The following IQCM variants were observed in gnomAD, a reference collection of about 807,000 sequenced individuals.
The protein encoded by IQCM is IQ domain-containing protein M.
A neutral mutation model predicts 57.6 loss-of-function variants in IQCM; 45 were observed. That is an observed-to-expected ratio of 0.78 (90% CI 0.62 to 1.00). The LOEUF (loss-of-function observed/expected upper bound fraction) is 1.00. Ranked by LOEUF, IQCM falls within the 50% of genes least tolerant of loss-of-function variation. The pLI is 0.00. For missense variants in IQCM, 468 were observed against 511.6 expected, an observed-to-expected ratio of 0.91 and a Z score of 0.82; for synonymous variants, 148 against 158.9, an observed-to-expected ratio of 0.93 and a Z score of 0.51.
At chr4:149,410,460 AT>A (rs1199735317) in intron 13 of IQCM, among the ~76,000 whole-genome samples, 1 of 149,480 alleles carries the variant, frequency 6.7e-6, no homozygotes. Flanking sequence ...ATTTTTATAT[AT>A]TTTTTCATAT....
intron 12 of IQCM, among the ~76,000 whole-genome samples, chr4:149,484,871 G>T (rs1459659597): frequency 1.3e-5 from 2 of 151,948 alleles, no homozygotes; most frequent in African/African-American, 4.8e-5. Context: ...TTCCTGTAGG[G>T]TACATTTGGT....
At chr4:149,545,031 AAAAC>A (rs762749158) in intron 12 of IQCM, among the ~76,000 whole-genome samples, 8 of 151,892 alleles carry the variant, frequency 5.3e-5, no homozygotes, top group Admixed American at 2.6e-4. Flanking sequence ...GACAGAAGCA[AAAAC>A]AAACAAACAA....
intron 12 of IQCM, among the ~76,000 whole-genome samples, chr4:149,532,452 T>C (rs539640685): frequency 2.6e-5 from 4 of 151,130 alleles, no homozygotes; most frequent in African/African-American, 9.7e-5. Flanking sequence ...CAAGCTTTCC[T>C]GAAAAAGAGT....
chr4:149,669,125 C>T (rs1426571424), intron 7 of IQCM, among the ~76,000 whole-genome samples: 1 of 152,184 alleles, frequency 6.6e-6, no homozygotes, highest in Non-Finnish European at 1.5e-5. Context: ...TTCTCCACAT[C>T]CTCTCCAGCA....
At chr4:149,541,166 A>T (rs1747811847) in intron 12 of IQCM, among the ~76,000 whole-genome samples, 1 of 152,184 alleles carries the variant, frequency 6.6e-6, no homozygotes, top group Admixed American at 6.6e-5. Flanking sequence ...CAGAAAATGC[A>T]GCATTGTTGG....
chr4:149,787,871 GA>G (rs1772212724), intron 2 of IQCM, among the ~76,000 whole-genome samples: 1 of 152,098 alleles, frequency 6.6e-6, no homozygotes, highest in South Asian at 2.1e-4. Context: ...CACAGCAAAG[GA>G]AGCAATCAAC....
chr4:149,501,244 G>A (rs1253423865), intron 12 of IQCM, among the ~76,000 whole-genome samples: 1 of 152,166 alleles, frequency 6.6e-6, no homozygotes, highest in African/African-American at 2.4e-5. Context: ...ATACCTGAAT[G>A]ATTGAACTAA....
chr4:149,365,533 G>A (rs1729771817), intron 13 of IQCM, among the ~76,000 whole-genome samples: 1 of 152,062 alleles, frequency 6.6e-6, no homozygotes, highest in Admixed American at 6.6e-5. Flanking sequence ...TTAGTTATGT[G>A]CTTTCATAAA....
At chr4:149,651,896 T>C (rs374046950) in intron 7 of IQCM, among the ~76,000 whole-genome samples, 14 of 152,250 alleles carry the variant, frequency 9.2e-5, no homozygotes, top group African/African-American at 3.1e-4. Context: ...AGTGTGGCGA[T>C]TTCTCGAGGA....
chr4:149,661,221 GT>G (rs1760176058), intron 7 of IQCM, among the ~76,000 whole-genome samples: 1 of 152,048 alleles, frequency 6.6e-6, no homozygotes. Context: ...TTATCATACA[GT>G]TTTTGTTTTC....
intron 13 of IQCM, among the ~76,000 whole-genome samples, chr4:149,372,595 T>G (rs1383257848): frequency 1.3e-5 from 2 of 152,138 alleles, no homozygotes; most frequent in African/African-American, 2.4e-5. Flanking sequence ...AAGGTGTACA[T>G]GCAGATTGGG....
chr4:149,632,217 G>C (rs1381255132), intron 7 of IQCM, among the ~76,000 whole-genome samples: 1 of 152,092 alleles, frequency 6.6e-6, no homozygotes, highest in East Asian at 1.9e-4. Context: ...ATTTCTACAG[G>C]TTTTGTAAAG....
At chr4:149,426,073 T>G (rs1274531113) in intron 13 of IQCM, among the ~76,000 whole-genome samples, 1 of 151,996 alleles carries the variant, frequency 6.6e-6, no homozygotes, top group African/African-American at 2.4e-5. Context: ...CCTAAGAATA[T>G]TCTAAGAGTT....
intron 2 of IQCM, among the ~76,000 whole-genome samples, chr4:149,775,907 T>C (rs1771044453): frequency 1.3e-5 from 2 of 152,176 alleles, no homozygotes; most frequent in African/African-American, 2.4e-5. Context: ...CTGTCCTCAG[T>C]CAGTTTTCAA....
At chr4:149,458,093 C>T (rs1737893902) in intron 12 of IQCM, among the ~76,000 whole-genome samples, 1 of 151,790 alleles carries the variant, frequency 6.6e-6, no homozygotes, top group African/African-American at 2.4e-5. Context: ...TTTGTAAGTA[C>T]CACAGGTTAA....
At chr4:149,651,472 C>A (rs1053451961) in intron 7 of IQCM, among the ~76,000 whole-genome samples, 3 of 152,084 alleles carry the variant, frequency 2.0e-5, no homozygotes, top group Non-Finnish European at 2.9e-5. Context: ...AAATTTGTGT[C>A]ATTACAAGTG....
chr4:149,405,828 CATATATAT>C, intron 13 of IQCM, among the ~76,000 whole-genome samples: 1 of 135,420 alleles, frequency 7.4e-6, no homozygotes, highest in Non-Finnish European at 1.6e-5. Flanking sequence ...TCCTAAGGAG[CATATATAT>C]ATATATATAT....
chr4:149,691,364 T>C (rs1762926149), intron 5 of IQCM, among the ~76,000 whole-genome samples: 1 of 152,162 alleles, frequency 6.6e-6, no homozygotes, highest in Non-Finnish European at 1.5e-5. Context: ...TTACTGTACT[T>C]ATTTATAGAG....
At chr4:149,361,097 A>G (rs1228085114) in intron 13 of IQCM, among the ~76,000 whole-genome samples, 1 of 152,196 alleles carries the variant, frequency 6.6e-6, no homozygotes, top group Non-Finnish European at 1.5e-5. Context: ...ATTTTAGCAA[A>G]GAGACTGGCG....
Sources: allele counts gnomAD v4.1 joint callset (sites outside exome capture counted in the v4.1 genomes callset), GRCh38; gene constraint gnomAD v4.1.1; transcripts MANE v1.5; gene names NCBI Gene and HGNC (gene_info 2026-07-23, HGNC 2026-07-21).